COL25A1: variants seen among roughly 807,000 people sequenced by gnomAD.
The protein encoded by COL25A1 is collagen type XXV alpha 1 chain, also known as collagen alpha-1(XXV) chain.
COL25A1 carries 103 observed loss-of-function variants against 128.4 expected under a neutral mutation model. The ratio of observed to expected loss-of-function variants is 0.80; its 90% CI spans 0.68 to 0.94. The LOEUF (loss-of-function observed/expected upper bound fraction) is 0.94, where lower values mean the gene tolerates loss of function less well. Ranked by LOEUF, COL25A1 falls within the 40% of genes least tolerant of loss-of-function variation. COL25A1 has a pLI of 0.00. For missense variants in COL25A1, 745 were observed against 840.0 expected, an observed-to-expected ratio of 0.89 and a Z score of 1.40; for synonymous variants, 279 against 277.2, an observed-to-expected ratio of 1.01 and a Z score of -0.06.
intron 3 of COL25A1, 93 bp from the exon 4 acceptor site, chr4:109,050,272 GT>G (rs1257457298): frequency 2.2e-6 from 2 of 895,686 alleles, no homozygotes; most frequent in African/African-American, 1.7e-5. Context: ...TTTTCTCATT[GT>G]TTTTAACTAC....
chr4:108,964,237 T>A (rs910552305), intron 8 of COL25A1, among the ~76,000 whole-genome samples: 4 of 151,706 alleles, frequency 2.6e-5, no homozygotes, highest in Non-Finnish European at 1.5e-5. Context: ...CTGGTTGGTA[T>A]CATTTTCCAG....
chr4:109,095,308 A>G (rs1318768068), intron 3 of COL25A1, among the ~76,000 whole-genome samples: 3 of 152,258 alleles, frequency 2.0e-5, no homozygotes, highest in African/African-American at 4.8e-5. Flanking sequence ...TCAGCTTTTA[A>G]GGACTGAGCT....
chr4:108,978,975 T>A (rs1219962812), intron 6 of COL25A1, among the ~76,000 whole-genome samples: 1 of 152,214 alleles, frequency 6.6e-6, no homozygotes, highest in East Asian at 1.9e-4. Context: ...ATGTAATTAA[T>A]CCTAAAGTTA....
At chr4:108,925,636 G>A (rs1451051343) in intron 11 of COL25A1, among the ~76,000 whole-genome samples, 1 of 152,140 alleles carries the variant, frequency 6.6e-6, no homozygotes, top group East Asian at 1.9e-4. Context: ...TTACAGAAAT[G>A]AATAAATGGA....
chr4:108,999,612 C>T (rs1198519537), intron 6 of COL25A1, among the ~76,000 whole-genome samples: 1 of 152,174 alleles, frequency 6.6e-6, no homozygotes, highest in South Asian at 2.1e-4. Flanking sequence ...AATCCCATTA[C>T]TGGGTATATA....
At chr4:108,841,744 T>C in intron 30 of COL25A1, 23 bp from the exon 31 acceptor site, 2 of 1,595,554 alleles carry the variant, frequency 1.3e-6, no homozygotes, top group Non-Finnish European at 1.7e-6. Flanking sequence ...AACAGAGCTT[T>C]TAATTAAGAA....
At chr4:109,139,988 A>G (rs1770235541) in intron 3 of COL25A1, among the ~76,000 whole-genome samples, 1 of 152,146 alleles carries the variant, frequency 6.6e-6, no homozygotes, top group Admixed American at 6.6e-5. Flanking sequence ...CGATGTCCCT[A>G]CAAAGACATG....
intron 12 of COL25A1, among the ~76,000 whole-genome samples, chr4:108,919,043 AT>A (rs1344307653): frequency 2.6e-5 from 4 of 152,216 alleles, no homozygotes; most frequent in Non-Finnish European, 4.4e-5. Context: ...TGGAGAAACC[AT>A]TTTAAATACA....
chr4:109,009,382 T>C (rs1756359501), intron 6 of COL25A1, among the ~76,000 whole-genome samples: 1 of 152,190 alleles, frequency 6.6e-6, no homozygotes, highest in South Asian at 2.1e-4. Context: ...AAGCTTGGTG[T>C]GAAAAGAACT....
Position 108,810,828 on chromosome 4 carries a change from A to G in COL25A1, c.*3099T>C, listed in dbSNP as rs765185852. On this transcript the variant is annotated 3_prime_UTR_variant, in exon 38 of 38. Transcript: ENST00000399132. ...AATTCATGAACTTTAAAAATAAAAT[A>G]ACACACTAATGATTTAGGAATGCTA... 7 of 152,090 alleles carry G rather than the reference A, an allele frequency of 4.6e-5. No individual in the cohort carries two copies. The highest frequency in any genetic ancestry group is 8.8e-5 in the Non-Finnish European group (6 of 67,906). 9.4% of individuals were successfully genotyped at this position (152,090 alleles called of 1,614,324 possible).
chr4:108,942,430 C>A (rs967591117), intron 8 of COL25A1, among the ~76,000 whole-genome samples: 1 of 151,876 alleles, frequency 6.6e-6, no homozygotes, highest in Non-Finnish European at 1.5e-5. Context: ...ACACATAAGG[C>A]CCCAAAATAA....
At chr4:109,091,003 T>C (rs769634146) in intron 3 of COL25A1, among the ~76,000 whole-genome samples, 4 of 152,198 alleles carry the variant, frequency 2.6e-5, no homozygotes, top group Non-Finnish European at 5.9e-5. Flanking sequence ...CCTGGTTTCC[T>C]TCTTTTCTCC....
At chr4:109,301,696 C>G (rs773504240) in intron 2 of COL25A1, 27 bp downstream of exon 2, 6 of 1,599,316 alleles carry the variant, frequency 3.8e-6, no homozygotes, top group Non-Finnish European at 5.1e-6. Context: ...ATGTTACCCA[C>G]GTGCAAAATA....
At chr4:108,898,384 G>A (rs1484103828) in intron 15 of COL25A1, among the ~76,000 whole-genome samples, 3 of 152,114 alleles carry the variant, frequency 2.0e-5, no homozygotes, top group African/African-American at 4.8e-5. Context: ...TTGTCAGAAA[G>A]ACCATATCAC....
intron 3 of COL25A1, 69 bp downstream of exon 3, chr4:109,300,514 C>A (rs965998573): frequency 9.5e-7 from 1 of 1,057,382 alleles, no homozygotes; most frequent in Non-Finnish European, 1.5e-6. Flanking sequence ...GTAGACTTGA[C>A]AGACACAGGA....
In COL25A1 at chr4:109,302,459, C is replaced by T. The variant is rs968868969; in HGVS notation, c.-347G>A. 2 of 180,470 alleles carry T rather than the reference C, an allele frequency of 1.1e-5. No homozygotes were observed. Among genetic ancestry groups the T allele is most frequent in the Non-Finnish European group, 2.3e-5 (2 of 87,476 alleles). 11.2% of individuals were successfully genotyped at this position (180,470 alleles called of 1,614,324 possible). A position where few individuals can be genotyped will look rare whatever the true frequency, so the allele number is the denominator to read the frequency against. On this transcript the variant is annotated 5_prime_UTR_variant, in exon 1 of 38. Coordinates refer to ENST00000399132, the MANE Select transcript of COL25A1 (RefSeq NM_198721.4). Reference sequence around the variant, plus strand: ...ACCTGTTGCGCCTCTGTGAGTTTGCCTTATTTCTACCTACTCGGTGTCTTT... The same window carrying T: ...ACCTGTTGCGCCTCTGTGAGTTTGCTTTATTTCTACCTACTCGGTGTCTTT...
At chr4:109,231,768 C>T (rs973028315) in intron 3 of COL25A1, among the ~76,000 whole-genome samples, 3 of 152,206 alleles carry the variant, frequency 2.0e-5, no homozygotes, top group African/African-American at 7.2e-5. Flanking sequence ...CCTTGCAATT[C>T]AGGCAGACCT....
chr4:108,866,198 C>CTT (rs35781275), intron 20 of COL25A1, among the ~76,000 whole-genome samples: 18 of 128,616 alleles, frequency 1.4e-4, no homozygotes, highest in South Asian at 5.1e-4. Flanking sequence ...TCTTTTCTTT[C>CTT]TTTTTTTTTT....
chr4:109,022,452 T>C (rs79483437), intron 5 of COL25A1, among the ~76,000 whole-genome samples: 12 of 152,314 alleles, frequency 7.9e-5, no homozygotes, highest in African/African-American at 2.9e-4. Context: ...TTACTTGTCA[T>C]GTGGATGGAA....
Sources: gnomAD v4.1 joint callset for allele counts (sites outside exome capture counted in the v4.1 genomes callset) on GRCh38, gnomAD v4.1.1 for gene constraint, MANE v1.5 for transcripts, NCBI Gene and HGNC (gene_info 2026-07-23, HGNC 2026-07-21) for gene names.